CDH13: variants seen among roughly 807,000 people sequenced by gnomAD.
CDH13 encodes the protein cadherin 13, also known as cadherin-13.
CDH13 carries 24 observed loss-of-function variants against 63.8 expected under a neutral mutation model. The observed-to-expected ratio is 0.38, with a 90% CI of 0.27 to 0.53. The LOEUF is 0.53. Among genes scored for constraint, CDH13 ranks in the 20% least tolerant of loss-of-function variants. CDH13 has a pLI of 0.85. For missense variants in CDH13, 1,049 were observed against 903.1 expected, an observed-to-expected ratio of 1.16 and a Z score of -2.07; for synonymous variants, 503 against 355.3, an observed-to-expected ratio of 1.42 and a Z score of -4.67.
At chr16:83,323,791 A>C in intron 5 of CDH13, among the ~76,000 whole-genome samples, 1 of 152,112 alleles carries the variant, frequency 6.6e-6, no homozygotes, top group Non-Finnish European at 1.5e-5. Context: ...ACTAGCCCAT[A>C]CAGTTTCCTC....
At chr16:82,648,128 C>T (rs979940387) in intron 1 of CDH13, among the ~76,000 whole-genome samples, 1 of 152,162 alleles carries the variant, frequency 6.6e-6, no homozygotes, top group Non-Finnish European at 1.5e-5. Flanking sequence ...CATTAAAACT[C>T]TTTTTCTTTA....
intron 10 of CDH13, among the ~76,000 whole-genome samples, chr16:83,746,975 G>A (rs994736161): frequency 6.6e-6 from 1 of 152,132 alleles, no homozygotes; most frequent in Non-Finnish European, 1.5e-5. Flanking sequence ...AGTAGTTCAG[G>A]TTCTCTATAA....
intron 4 of CDH13, among the ~76,000 whole-genome samples, chr16:83,208,287 G>C (rs1212878879): frequency 6.6e-6 from 1 of 152,138 alleles, no homozygotes; most frequent in Non-Finnish European, 1.5e-5. Flanking sequence ...GCAGCATAAG[G>C]GTGAGAGAAA....
intron 4 of CDH13, among the ~76,000 whole-genome samples, chr16:83,192,533 C>T (rs1023078651): frequency 1.3e-5 from 2 of 152,134 alleles, no homozygotes; most frequent in Non-Finnish European, 2.9e-5. Flanking sequence ...AAAGTGATAT[C>T]CCCAGAGCTG....
At chr16:83,133,238 C>CG (rs1011034413) in intron 4 of CDH13, among the ~76,000 whole-genome samples, 1 of 152,132 alleles carries the variant, frequency 6.6e-6, no homozygotes, top group African/African-American at 2.4e-5. Flanking sequence ...TTACTGAAAA[C>CG]GCAATGTCCA....
intron 5 of CDH13, among the ~76,000 whole-genome samples, chr16:83,314,459 G>GC (rs1300377197): frequency 6.6e-6 from 1 of 152,084 alleles, no homozygotes; most frequent in African/African-American, 2.4e-5. Flanking sequence ...CCAGGACAGA[G>GC]CACCCTCTGT....
intron 5 of CDH13, among the ~76,000 whole-genome samples, chr16:83,235,173 C>G (rs552220699): frequency 4.6e-5 from 7 of 152,214 alleles, no homozygotes; most frequent in African/African-American, 1.7e-4. Context: ...TAACTGCATT[C>G]CAGCCTGGGT....
chr16:83,221,116 A>T (rs577009245), intron 5 of CDH13, among the ~76,000 whole-genome samples: 1 of 152,262 alleles, frequency 6.6e-6, no homozygotes, highest in South Asian at 2.1e-4. Flanking sequence ...AAAGCCCCAC[A>T]TTTTCAATCA....
At chr16:82,677,800 T>C (rs1914102855) in intron 1 of CDH13, among the ~76,000 whole-genome samples, 1 of 152,196 alleles carries the variant, frequency 6.6e-6, no homozygotes. Flanking sequence ...TTTCTCCTCT[T>C]TTTTGACTGC....
At chr16:83,443,718 AAAAAAAAAAAAAAAAAAATATAT>A (rs1306623739) in intron 6 of CDH13, among the ~76,000 whole-genome samples, 95 of 95,522 alleles carry the variant, frequency 9.9e-4, no homozygotes, top group East Asian at 3.2e-3. Flanking sequence ...AAAAAAAAAA[AAAAAAAAAAAAAAAAAAATATAT>A]ATATATATAT....
At chr16:83,286,377 T>A (rs1169892397) in intron 5 of CDH13, among the ~76,000 whole-genome samples, 1 of 152,190 alleles carries the variant, frequency 6.6e-6, no homozygotes, top group Non-Finnish European at 1.5e-5. Context: ...CCCTGTGGTA[T>A]GTTTGTGTAG....
rs111434138 is a variant in CDH13 at position 83,545,305 on chromosome 16, A to G, written c.961-57149A>G. On this transcript the variant is annotated intron_variant, in intron 7 of 13. Coordinates refer to ENST00000567109, the MANE Select transcript of CDH13 (RefSeq NM_001257.5). ...TTTTAAAGATTGCCGATGTTAATGA[A>G]GAAGGAAAAAAAATAGTGGATGTGC... is the stretch of plus-strand genomic sequence containing the variant. Among the ~76,000 whole-genome samples, 18 of 152,366 alleles carry G rather than the reference A, an allele frequency of 1.2e-4. 1 individual carries two copies. The highest frequency in any genetic ancestry group is 3.4e-4 in the African/African-American group (14 of 41,584).
At chr16:83,607,016 G>T (rs943971056) in intron 8 of CDH13, among the ~76,000 whole-genome samples, 5 of 152,038 alleles carry the variant, frequency 3.3e-5, no homozygotes, top group African/African-American at 1.2e-4. Context: ...ACCTGTAAGG[G>T]AGGCTGAGAA....
chr16:83,458,276 T>A (rs754728633), intron 6 of CDH13, among the ~76,000 whole-genome samples: 3 of 152,186 alleles, frequency 2.0e-5, no homozygotes, highest in Non-Finnish European at 2.9e-5. Context: ...TGTTATTGTT[T>A]ACTTTTTAGT....
intron 5 of CDH13, among the ~76,000 whole-genome samples, chr16:83,321,525 AT>A (rs10672316): frequency 0.071 from 7,314 of 103,074 alleles, 101 homozygotes; most frequent in Non-Finnish European, 0.1. Context: ...GAAATCTGGA[AT>A]TTTTTTTTTT....
intron 2 of CDH13, among the ~76,000 whole-genome samples, chr16:83,031,360 A>G (rs1567761812): frequency 8.7e-6 from 1 of 114,682 alleles, no homozygotes; most frequent in Non-Finnish European, 1.8e-5. Context: ...TGGTATATAC[A>G]TGTACATGTA....
chr16:83,533,898 G>A (rs941120712), intron 7 of CDH13, among the ~76,000 whole-genome samples: 10 of 152,168 alleles, frequency 6.6e-5, no homozygotes, highest in Non-Finnish European at 1.5e-5. Context: ...TGGGATTACA[G>A]GCATGAGCCA....
chr16:83,006,985 A>G (rs934955283), intron 2 of CDH13, among the ~76,000 whole-genome samples: 1 of 150,098 alleles, frequency 6.7e-6, no homozygotes, highest in Non-Finnish European at 1.5e-5. Flanking sequence ...GTGCAATGGC[A>G]TGATCTCGGC....
At chr16:82,832,022 GATAA>G (rs2038562668) in intron 1 of CDH13, among the ~76,000 whole-genome samples, 1 of 152,174 alleles carries the variant, frequency 6.6e-6, no homozygotes, top group South Asian at 2.1e-4. Flanking sequence ...TCCCGCATAT[GATAA>G]ATTAATTAGA....
Sources: gnomAD v4.1 joint callset for allele counts (sites outside exome capture counted in the v4.1 genomes callset) on GRCh38, gnomAD v4.1.1 for gene constraint, MANE v1.5 for transcripts, NCBI Gene and HGNC (gene_info 2026-07-23, HGNC 2026-07-21) for gene names.